The following PTPRB variants were observed in gnomAD, a reference collection of about 807,000 sequenced individuals.
The protein encoded by PTPRB is receptor-type tyrosine-protein phosphatase beta.
Under a neutral mutation model 238.1 loss-of-function variants are expected in PTPRB, and 97 were observed. The ratio of observed to expected loss-of-function variants is 0.41; its 90% CI spans 0.35 to 0.48. The LOEUF is 0.48. Among genes scored for constraint, PTPRB ranks in the 20% least tolerant of loss-of-function variants. The pLI is 0.30. For synonymous variants in PTPRB, 970 were observed against 995.4 expected (o/e 0.97, Z 0.48); for missense variants, 2,292 against 2,681.9 (o/e 0.85, Z 3.21).
chr12:70,601,427 T>C (rs1157444755), intron 4 of PTPRB, among the ~76,000 whole-genome samples: 3 of 152,180 alleles, frequency 2.0e-5, no homozygotes, highest in Admixed American at 1.3e-4. Context: ...CAGGATAAAG[T>C]CTAAGTTTCT....
At chr12:70,538,537 T>G (rs1474979531) in intron 27 of PTPRB, 2 of 439,092 alleles carry the variant, frequency 4.6e-6, no homozygotes, top group African/African-American at 3.9e-5. Flanking sequence ...CCAGAAAACC[T>G]ACCTTCTATT....
chr12:70,572,239 A>G (rs554944237), intron 11 of PTPRB, among the ~76,000 whole-genome samples, 152 bp from the exon 12 acceptor site: 1 of 152,274 alleles, frequency 6.6e-6, no homozygotes, highest in South Asian at 2.1e-4. Flanking sequence ...AAATTTCTGG[A>G]GGGGAAAGAT....
At chr12:70,536,649 A>G (rs1874166742) in intron 28 of PTPRB, among the ~76,000 whole-genome samples, 1 of 152,244 alleles carries the variant, frequency 6.6e-6, no homozygotes, top group South Asian at 2.1e-4. Flanking sequence ...TATTTAATCC[A>G]AACCACAGTC....
intron 9 of PTPRB, among the ~76,000 whole-genome samples, chr12:70,582,414 T>C (rs1441953411): frequency 6.6e-6 from 1 of 152,168 alleles, no homozygotes; most frequent in Non-Finnish European, 1.5e-5. Context: ...TAACACCACC[T>C]GATTTCACTA....
At chr12:70,576,669 C>CGGGGGG (rs869128610) in intron 10 of PTPRB, 24 bp from the exon 11 acceptor site, 1 of 112,726 alleles carries the variant, frequency 8.9e-6, no homozygotes. Flanking sequence ...AGGTGGGGGG[C>CGGGGGG]GGGGGGGGGG....
At chr12:70,562,003 C>T (rs1878548315) in intron 16 of PTPRB, among the ~76,000 whole-genome samples, 1 of 152,232 alleles carries the variant, frequency 6.6e-6, no homozygotes. Context: ...ACCGTGGTGG[C>T]TCACGCCTCT....
chr12:70,607,927 A>T (rs1884098994), intron 4 of PTPRB, among the ~76,000 whole-genome samples: 1 of 152,124 alleles, frequency 6.6e-6, no homozygotes. Flanking sequence ...ATCATCTAAA[A>T]GTTTCATCTG....
At chr12:70,570,964 C>T in intron 13 of PTPRB, 62 bp downstream of exon 13, 1 of 1,561,974 alleles carries the variant, frequency 6.4e-7, no homozygotes, top group South Asian at 1.2e-5. Context: ...AATACCTGAA[C>T]TACCCGAAAG....
In PTPRB at chr12:70,560,284, T is replaced by C. The variant is rs957511867; in HGVS notation, c.4432+387A>G. On this transcript the variant is annotated intron_variant, in intron 17 of 33. Coordinates refer to ENST00000334414, the MANE Select transcript of PTPRB (RefSeq NM_001109754.4). This position sits in a 1 kb window ranked among gnomAD's most constrained non-coding sequence, Gnocchi z 4.2. ...CAGGGCTGACGTCCACAGACAATTA[T>C]GTTCAGTTGCAGATAGCCTTGTTGA... is the stretch of plus-strand genomic sequence containing the variant. Among the ~76,000 whole-genome samples the C allele has an allele frequency of 4.6e-5, 7 of 152,206 alleles. No homozygotes were observed. Among genetic ancestry groups the C allele is most frequent in the African/African-American group, 1.7e-4 (7 of 41,442 alleles).
At chr12:70,570,895 T>C (rs1879956656) in intron 13 of PTPRB, 131 bp downstream of exon 13, 1 of 972,684 alleles carries the variant, frequency 1.0e-6, no homozygotes, top group African/African-American at 1.7e-5. Flanking sequence ...ATTGTCACTA[T>C]CAACATGACT....
rs1254976875 is a variant in PTPRB, at chr12:70,517,464, T to C, written c.*4025A>G. ...GGGAACATTCTTTGAATACCTGATG[T>C]AATTCTAAATTTCAGGTTAAAAATA... On this transcript the variant is annotated 3_prime_UTR_variant, in exon 34 of 34. Transcript: ENST00000334414. The C allele has an allele frequency of 6.6e-6, 1 of 152,224 alleles. No homozygotes were observed. Among genetic ancestry groups the C allele is most frequent in the African/African-American group, 2.4e-5 (1 of 41,468 alleles). 9.4% of individuals were successfully genotyped at this position (152,224 alleles called of 1,614,324 possible). A position where few individuals can be genotyped will look rare whatever the true frequency, so the allele number is the denominator to read the frequency against.
At chr12:70,609,940 G>A (rs1884320777) in intron 3 of PTPRB, 1 of 814,772 alleles carries the variant, frequency 1.2e-6, no homozygotes. Context: ...CGCTTCCCTC[G>A]GGGCTGGCGA....
At chr12:70,535,892 G>A in intron 29 of PTPRB, 133 bp downstream of exon 29, 2 of 1,066,326 alleles carry the variant, frequency 1.9e-6, no homozygotes. Flanking sequence ...TTTGAACAGA[G>A]TGGTATAAGT....
chr12:70,556,697 A>T lies in PTPRB; in HGVS notation c.4715-549T>A, dbSNP rs1045890305. ...ACCAAGGAGGATATATGCCAAAAAA[A>T]CTATGGCTAGGCATATCGTTTTCAC... On this transcript the variant is annotated intron_variant, in intron 18 of 33. Coordinates refer to ENST00000334414, the MANE Select transcript of PTPRB (RefSeq NM_001109754.4). Among the ~76,000 whole-genome samples the T allele has an allele frequency of 7.2e-5, 11 of 152,336 alleles. No homozygotes were observed. The East Asian group carries it at 7.7e-4, about 11-fold the overall frequency.
chr12:70,549,707 G>A (rs780323228), intron 21 of PTPRB, among the ~76,000 whole-genome samples: 4 of 152,160 alleles, frequency 2.6e-5, no homozygotes, highest in Admixed American at 1.3e-4. Context: ...CAGCCACCAC[G>A]CAAGAGGCTG....
intron 21 of PTPRB, among the ~76,000 whole-genome samples, chr12:70,547,041 A>G (rs1443742970): frequency 2.0e-5 from 3 of 147,438 alleles, no homozygotes; most frequent in Admixed American, 6.8e-5. Context: ...TTTAAAATCT[A>G]TATTTCTTGA....
intron 32 of PTPRB, among the ~76,000 whole-genome samples, chr12:70,531,394 G>A (rs1029138742): frequency 1.3e-5 from 2 of 152,084 alleles, no homozygotes; most frequent in Non-Finnish European, 2.9e-5. Context: ...GCCTTAGAAG[G>A]CATTGATGCA....
At chr12:70,534,733 C>T (rs1359566551) in intron 30 of PTPRB, 82 bp from the exon 31 acceptor site, 1 of 1,598,616 alleles carries the variant, frequency 6.3e-7, no homozygotes, top group Non-Finnish European at 8.5e-7. Flanking sequence ...GGAGCAACTC[C>T]TATGGGCTGA....
chr12:70,538,143 T>C lies in PTPRB; in HGVS notation c.5946+12A>G. 1 of 1,608,776 alleles carries C rather than the reference T, an allele frequency of 6.2e-7. No homozygotes were observed. Among genetic ancestry groups the C allele is most frequent in the South Asian group, 1.1e-5 (1 of 90,564 alleles). On this transcript the variant is annotated intron_variant, in intron 28 of 33. Transcript: ENST00000334414. ...CCTCATCCTGAACACTATGGCCTAG[T>C]GGGTCACTTACAGGGATGTAGCTGG...
Sources: allele counts gnomAD v4.1 joint callset (sites outside exome capture counted in the v4.1 genomes callset), GRCh38; gene constraint gnomAD v4.1.1; non-coding constraint Gnocchi (gnomAD v3.1); transcripts MANE v1.5; gene names NCBI Gene and HGNC (gene_info 2026-07-23, HGNC 2026-07-21).